The following ZFHX2 variants were observed in gnomAD, a reference collection of about 807,000 sequenced individuals.
ZFHX2 encodes zinc finger homeobox protein 2.
Under a neutral mutation model 164.8 loss-of-function variants are expected in ZFHX2, and 75 were observed. The ratio of observed to expected loss-of-function variants is 0.46; its 90% CI spans 0.38 to 0.55. The LOEUF is 0.55. Among genes scored for constraint, ZFHX2 ranks in the 20% least tolerant of loss-of-function variants. ZFHX2 has a pLI of 0.00. For synonymous variants in ZFHX2, 1,217 were observed against 1,351.4 expected (o/e 0.90, Z 2.18); for missense variants, 2,933 against 3,308.0 (o/e 0.89, Z 2.78).
chr14:23,529,780 AG>A lies in ZFHX2; in HGVS notation c.2876-13del. ...TGTCTCTTCTGAAGCTGAGGATGAA[AG>A]AAGAGGAGATTAAGGAACCCTGACA... On this transcript the variant is annotated splice_polypyrimidine_tract_variant and intron_variant, in intron 5 of 9. Coordinates refer to ENST00000419474, the MANE Select transcript of ZFHX2 (RefSeq NM_033400.3). 1 of 1,536,304 alleles carries A rather than the reference AG, an allele frequency of 6.5e-7. No individual in the cohort carries two copies. Among genetic ancestry groups the A allele is most frequent in the Non-Finnish European group, 8.7e-7 (1 of 1,146,836 alleles).
At chr14:23,541,180 A>G (rs549459829) in intron 1 of ZFHX2, among the ~76,000 whole-genome samples, 8 of 151,908 alleles carry the variant, frequency 5.3e-5, no homozygotes, top group Admixed American at 4.6e-4. Flanking sequence ...TGCTGGGATT[A>G]CAGGTGTGAG....
Position 23,524,799 on chromosome 14 carries a change from C to T in ZFHX2, c.5143G>A (p.Glu1715Lys). The change falls in exon 9 of 10, where the codon GAA becomes AAA. Residue 1715 changes from glutamate (E) to lysine (K), a missense_variant. Physicochemically the swap from Glu to Lys is moderately conservative, Grantham distance 56. Transcript: ENST00000419474. This position sits in a 1 kb window ranked among gnomAD's most constrained non-coding sequence, Gnocchi z 5.6. ...AERGEEEEEV[E>K]EEEVEEEQGL... ...TGTTCCTCCTCTACTTCTTCTTCTTCCACCTCTTCCTCCTCTTCCCCTCTC... is the reference window on the plus strand; with the variant it reads ...TGTTCCTCCTCTACTTCTTCTTCTTTCACCTCTTCCTCCTCTTCCCCTCTC... The T allele has an allele frequency of 6.5e-7, 1 of 1,536,908 alleles. No homozygotes were observed.
upstream of ZFHX2, chr14:23,551,782 C>A (rs1881980082): frequency 1.3e-5 from 2 of 152,546 alleles, no homozygotes; most frequent in Non-Finnish European, 1.5e-5. This position sits in a 1 kb window ranked among gnomAD's most constrained non-coding sequence, Gnocchi z 5.3. Flanking sequence ...TACCCAGGCG[C>A]CCGGGGCTGC....
rs1240946935 is a variant in ZFHX2 at position 23,524,473 on chromosome 14, T to G, written c.5469A>C (p.Ser1823=). ...GTTTGAGAGGTGGACCTGGCATTGG[T>G]GAGGTGGCTGCCACCAGGGGGTTTC... ...GERNPLVAAT[S]PMPGPPLKRK... is the part of the protein sequence containing the mutation. Residue 1823 remains serine (S), a synonymous_variant, in exon 9 of 10, where the codon TCA becomes TCC. Coordinates refer to ENST00000419474, the MANE Select transcript of ZFHX2 (RefSeq NM_033400.3). The surrounding 1 kb of genome is among the most constrained non-coding windows in gnomAD (Gnocchi z 5.6). 1.8e-5 allele frequency: 28 copies of G among 1,532,846 alleles called. No individual in the cohort carries two copies. The highest frequency in any genetic ancestry group is 2.4e-5 in the Non-Finnish European group (27 of 1,144,984). 95.0% of individuals were successfully genotyped at this position (1,532,846 alleles called of 1,614,324 possible). A position where few individuals can be genotyped will look rare whatever the true frequency, so the allele number is the denominator to read the frequency against.
chr14:23,531,904 G>T, intron 3 of ZFHX2, 183 bp from the exon 4 acceptor site: 1 of 775,214 alleles, frequency 1.3e-6, no homozygotes, highest in Non-Finnish European at 1.7e-6. Flanking sequence ...AGCCTCCCGA[G>T]TAGCTGGGAT....
In ZFHX2 at chr14:23,535,124, C is replaced by T. The variant is rs1171962439; in HGVS notation, c.202G>A (p.Val68Ile). ...GQLLESGCGL[V>I]PPKEIGEPQE... ...GGCTCCCCAATCTCCTTTGGTGGGA[C>T]GAGGCCACAGCCCGACTCCAGGAGC... The change falls in exon 2 of 10, where the codon GTC becomes ATC. Residue 68 changes from valine to isoleucine, a missense_variant. Val to Ile is a conservative substitution (Grantham distance 29). Coordinates refer to ENST00000419474, the MANE Select transcript of ZFHX2 (RefSeq NM_033400.3). This position sits in a 1 kb window ranked among gnomAD's most constrained non-coding sequence, Gnocchi z 4.5. The T allele has an allele frequency of 2.1e-5, 33 of 1,536,016 alleles. No homozygotes were observed. The Admixed American group carries it at 2.4e-4, about 11-fold the overall frequency.
chr14:23,523,041 C>G lies in ZFHX2; in HGVS notation c.6740-100G>C. Reference sequence around the variant, plus strand: ...AGCCACACACACCCGTTCCCAGCACCGGATTTCCATGCCCCTTCCCTCCCT... The same window carrying G: ...AGCCACACACACCCGTTCCCAGCACGGGATTTCCATGCCCCTTCCCTCCCT... On this transcript the variant is annotated intron_variant, in intron 9 of 9. Transcript: ENST00000419474. The surrounding 1 kb of genome is among the most constrained non-coding windows in gnomAD (Gnocchi z 4.1). 1 of 1,407,958 alleles carries G rather than the reference C, an allele frequency of 7.1e-7. No homozygotes were observed. Among genetic ancestry groups the G allele is most frequent in the South Asian group, 1.7e-5 (1 of 60,262 alleles). The allele number at this position is 1,407,958 out of a possible 1,614,324, so 87.2% of individuals were successfully genotyped here.
upstream of ZFHX2, among the ~76,000 whole-genome samples, chr14:23,554,549 ATTT>A (rs35367737): frequency 8.1e-5 from 11 of 135,640 alleles, no homozygotes; most frequent in Admixed American, 2.2e-4. Flanking sequence ...GCTAATTAAA[ATTT>A]TTTTTTTTTT....
Position 23,521,698 on chromosome 14 carries a change from T to G in ZFHX2, c.*264A>C. ...AATAATCAGGGTGCCAAGATGGGTG[T>G]ATGTGTCTGTGAAGATGGGCAAGGG... On this transcript the variant is annotated 3_prime_UTR_variant, in exon 10 of 10. Transcript: ENST00000419474. 2.0e-6 allele frequency: 1 copy of G among 500,378 alleles called. No individual in the cohort carries two copies. The highest frequency in any genetic ancestry group is 3.5e-6 in the Non-Finnish European group (1 of 287,570). The allele number at this position is 500,378 out of a possible 1,614,324, so 31.0% of individuals were successfully genotyped here.
chr14:23,544,578 C>T (rs997394092), intron 1 of ZFHX2, among the ~76,000 whole-genome samples: 1 of 152,192 alleles, frequency 6.6e-6, no homozygotes, highest in African/African-American at 2.4e-5. Context: ...CCCTGTGCTT[C>T]CCTTTCAGTA....
chr14:23,537,776 T>TG lies in ZFHX2; in HGVS notation c.-49-2403dup, dbSNP rs1377004312. Among the ~76,000 whole-genome samples the TG allele has an allele frequency of 4.6e-5, 7 of 152,182 alleles. No homozygotes were observed. In the South Asian group the frequency reaches 1.5e-3, roughly 32 times the overall value. On this transcript the variant is annotated intron_variant, in intron 1 of 9. Transcript: ENST00000419474. ...GGTATTCCTCCTACAGAATCCATGG[T>TG]GGGGGAGAGGGGTAAGGGTGCTGGT...
intron 1 of ZFHX2, among the ~76,000 whole-genome samples, chr14:23,542,474 T>C (rs998922505): frequency 1.3e-5 from 2 of 152,078 alleles, no homozygotes; most frequent in African/African-American, 4.8e-5. Flanking sequence ...ACTTGGAAAG[T>C]GTTGGATGTG....
At chr14:23,526,806 C>G in intron 8 of ZFHX2, 41 bp downstream of exon 8, 1 of 1,523,232 alleles carries the variant, frequency 6.6e-7, no homozygotes, top group Non-Finnish European at 8.8e-7. Context: ...ATGGAGTCCC[C>G]TTTCCTGGTA....
Position 23,522,736 on chromosome 14 carries a change from T to TGGG in ZFHX2, c.6944_6945insCCC (p.Pro2315dup), listed in dbSNP as rs1416581399. 2.0e-6 allele frequency: 3 copies of TGGG among 1,536,518 alleles called. No homozygotes were observed. The highest frequency in any genetic ancestry group is 2.6e-6 in the Non-Finnish European group (3 of 1,146,940). Reference sequence around the variant, plus strand: ...TGGAGGAGCTGGTGGGGCCTGCAACTGGCTTTCGCTCACTGGAGACCTTGT... The same window carrying TGGG: ...TGGAGGAGCTGGTGGGGCCTGCAACTGGGGGCTTTCGCTCACTGGAGACCTTGT... On this transcript the variant is annotated inframe_insertion, in exon 10 of 10. Coordinates refer to ENST00000419474, the MANE Select transcript of ZFHX2 (RefSeq NM_033400.3).
chr14:23,523,648 C>G lies in ZFHX2; in HGVS notation c.6294G>C (p.Leu2098=). The G allele has an allele frequency of 3.2e-6, 5 of 1,549,866 alleles. No homozygotes were observed. Among genetic ancestry groups the G allele is most frequent in the Non-Finnish European group, 4.3e-6 (5 of 1,153,668 alleles). Residue 2098 remains leucine (L), a synonymous_variant, in exon 9 of 10, where the codon CTG becomes CTC. Coordinates refer to ENST00000419474, the MANE Select transcript of ZFHX2 (RefSeq NM_033400.3). This position sits in a 1 kb window ranked among gnomAD's most constrained non-coding sequence, Gnocchi z 4.1. ...RTPTMQECEV[L]GEEIGLPKRV... ...TCTTGGGCAGCCCAATCTCCTCTCC[C>G]AGCACCTCACACTCCTGCATGGTGG...
intron 3 of ZFHX2, 59 bp from the exon 4 acceptor site, chr14:23,531,780 A>G (rs1595157819): frequency 7.9e-7 from 1 of 1,265,414 alleles, no homozygotes. Context: ...ACCTCAGGGG[A>G]CTTTTTTTTT....
intron 6 of ZFHX2, chr14:23,529,309 G>A (rs556900492): frequency 5.7e-5 from 12 of 211,032 alleles, no homozygotes; most frequent in African/African-American, 2.1e-4. Flanking sequence ...GGCTCAGGGC[G>A]TTTTGTAGGG....
chr14:23,531,781 CTTT>C (rs757963386), intron 3 of ZFHX2, 60 bp from the exon 4 acceptor site: 6 of 1,078,834 alleles, frequency 5.6e-6, no homozygotes, highest in South Asian at 7.7e-5. Flanking sequence ...CCTCAGGGGA[CTTT>C]TTTTTTTTTT....
rs963833738 is a variant in ZFHX2, at chr14:23,524,805, C to G, written c.5137G>C (p.Glu1713Gln). ...TCCTCTACTTCTTCTTCTTCCACCT[C>G]TTCCTCCTCTTCCCCTCTCTCTGCC... ...EEAERGEEEE[E>Q]VEEEEVEEEQ... The change falls in exon 9 of 10, where the codon GAG (glutamate) becomes CAG (glutamine). Residue 1713 changes from glutamate to glutamine, a missense_variant. Transcript: ENST00000419474. This position sits in a 1 kb window ranked among gnomAD's most constrained non-coding sequence, Gnocchi z 5.6. 32 of 1,536,814 alleles carry G rather than the reference C, an allele frequency of 2.1e-5. No homozygotes were observed. In the African/African-American group the frequency reaches 4.4e-4, roughly 21 times the overall value.
Sources: gnomAD v4.1 joint callset for allele counts (sites outside exome capture counted in the v4.1 genomes callset) on GRCh38, gnomAD v4.1.1 for gene constraint, Gnocchi (gnomAD v3.1) non-coding constraint, MANE v1.5 for transcripts, NCBI Gene and HGNC (gene_info 2026-07-23, HGNC 2026-07-21) for gene names.